FRMD4A: variants seen among roughly 807,000 people sequenced by gnomAD.
FRMD4A encodes the protein FERM domain-containing protein 4A.
FRMD4A carries 29 observed loss-of-function variants against 129.1 expected under a neutral mutation model. That is an observed-to-expected ratio of 0.22 (90% CI 0.17 to 0.31). The LOEUF (loss-of-function observed/expected upper bound fraction) is 0.31, where lower values mean the gene tolerates loss of function less well. FRMD4A is among the 10% of genes least tolerant of loss of function. The pLI is 1.00. For missense variants in FRMD4A, 1,272 were observed against 1,375.8 expected (o/e 0.92, Z 1.19); for synonymous variants, 634 against 571.6 (o/e 1.11, Z -1.56).
chr10:14,282,355 T>C (rs1331835269), intron 2 of FRMD4A, among the ~76,000 whole-genome samples: 2 of 152,186 alleles, frequency 1.3e-5, no homozygotes, highest in Non-Finnish European at 2.9e-5. Context: ...GTTTACTAAG[T>C]CAACTCTCCT....
chr10:13,880,683 T>C (rs538671590), intron 2 of FRMD4A, among the ~76,000 whole-genome samples: 62 of 152,196 alleles, frequency 4.1e-4, no homozygotes, highest in Non-Finnish European at 6.9e-4. Flanking sequence ...GTGCCTTTGA[T>C]GAATTCTGCC....
At chr10:13,856,418 A>G (rs1281883042) in intron 3 of FRMD4A, among the ~76,000 whole-genome samples, 1 of 152,154 alleles carries the variant, frequency 6.6e-6, no homozygotes, top group Non-Finnish European at 1.5e-5. Flanking sequence ...GGGATACACC[A>G]TGATGGAGAC....
chr10:13,689,804 C>A (rs940635055), intron 15 of FRMD4A, among the ~76,000 whole-genome samples: 2 of 151,776 alleles, frequency 1.3e-5, no homozygotes, highest in Non-Finnish European at 2.9e-5. Flanking sequence ...TTCAAGTGAT[C>A]CTCCCCACCG....
At chr10:14,170,306 G>A (rs1249818893) in intron 2 of FRMD4A, among the ~76,000 whole-genome samples, 3 of 152,150 alleles carry the variant, frequency 2.0e-5, no homozygotes, top group Non-Finnish European at 2.9e-5. Context: ...AAAAGAGCAG[G>A]ACTCGCCGGA....
intron 2 of FRMD4A, among the ~76,000 whole-genome samples, chr10:14,227,161 C>A (rs1843467399): frequency 6.6e-6 from 1 of 151,448 alleles, no homozygotes; most frequent in South Asian, 2.1e-4. Context: ...CTTCCCTCAG[C>A]CTGGAGCACT....
At chr10:14,278,673 C>T (rs1374963599) in intron 2 of FRMD4A, among the ~76,000 whole-genome samples, 6 of 152,096 alleles carry the variant, frequency 3.9e-5, no homozygotes, top group African/African-American at 1.4e-4. Flanking sequence ...ATCTCGCTTG[C>T]CTGAGCCCAG....
chr10:13,870,235 CTTCCTTCTTTACATA>C (rs1407125722), intron 2 of FRMD4A, among the ~76,000 whole-genome samples: 2 of 152,238 alleles, frequency 1.3e-5, no homozygotes, highest in African/African-American at 4.8e-5. Context: ...GAGTGAGATT[CTTCCTTCTTTACATA>C]TTGCTGCTAG....
chr10:14,258,925 C>T (rs2132030641), intron 2 of FRMD4A, among the ~76,000 whole-genome samples: 1 of 152,238 alleles, frequency 6.6e-6, no homozygotes, highest in East Asian at 1.9e-4. Flanking sequence ...TTGCATGAAT[C>T]TATTCATAAA....
chr10:13,676,636 G>T (rs554138824), intron 15 of FRMD4A, among the ~76,000 whole-genome samples: 1 of 152,268 alleles, frequency 6.6e-6, no homozygotes, highest in Admixed American at 6.5e-5. Context: ...ACAGGTGTTA[G>T]AGGCTGTGCA....
At chr10:14,123,790 T>C (rs551419512) in intron 2 of FRMD4A, among the ~76,000 whole-genome samples, 2 of 152,244 alleles carry the variant, frequency 1.3e-5, no homozygotes, top group Non-Finnish European at 2.9e-5. Flanking sequence ...TTACTAAGCC[T>C]TTACATAGCA....
intron 8 of FRMD4A, among the ~76,000 whole-genome samples, chr10:13,758,570 C>T (rs931451997): frequency 1.3e-5 from 2 of 152,172 alleles, no homozygotes; most frequent in African/African-American, 4.8e-5. Flanking sequence ...GACTGGGGCC[C>T]ACATGTGCAC....
rs115657776 is a variant in FRMD4A at position 13,646,968 on chromosome 10, C to G, written c.*70G>C. 2.0e-6 allele frequency: 2 copies of G among 984,208 alleles called. No homozygotes were observed. Among genetic ancestry groups the G allele is most frequent in the South Asian group, 4.7e-5 (1 of 21,264 alleles). The allele number at this position is 984,208 out of a possible 1,614,324, so 61.0% of individuals were successfully genotyped here. A position where few individuals can be genotyped will look rare whatever the true frequency, so the allele number is the denominator to read the frequency against. ...GTCCCGGGCTTGGCTTTTTCCTGCC[C>G]GTACCACTGGACATCAGCTAGTTCT... On this transcript the variant is annotated 3_prime_UTR_variant, in exon 25 of 25. Transcript: ENST00000357447.
intron 2 of FRMD4A, among the ~76,000 whole-genome samples, chr10:13,968,694 T>G (rs551596635): frequency 5.9e-5 from 9 of 152,200 alleles, no homozygotes; most frequent in African/African-American, 2.2e-4. Context: ...CCTCAGGTGA[T>G]CCACCCACCT....
At chr10:13,985,871 G>C (rs1253535178) in intron 2 of FRMD4A, among the ~76,000 whole-genome samples, 1 of 152,246 alleles carries the variant, frequency 6.6e-6, no homozygotes, top group Non-Finnish European at 1.5e-5. Flanking sequence ...TAGGAACTGA[G>C]CAGGCTGGCA....
rs957841514 is a variant in FRMD4A at position 13,657,884 on chromosome 10, C to T, written c.2067-362G>A. On this transcript the variant is annotated intron_variant, in intron 21 of 24. Coordinates refer to ENST00000357447, the MANE Select transcript of FRMD4A (RefSeq NM_018027.5). ...AGATAGGGCTGGGCACTGTGGTCCA[C>T]GCCTGTAATCCCAGTGCTTCAGGAG... Among the ~76,000 whole-genome samples, 7 of 151,016 alleles carry T rather than the reference C, an allele frequency of 4.6e-5. No individual in the cohort carries two copies. In the South Asian group the frequency reaches 1.0e-3, roughly 23 times the overall value.
intron 3 of FRMD4A, among the ~76,000 whole-genome samples, chr10:13,855,530 G>A (rs1434353287): frequency 6.6e-6 from 1 of 152,120 alleles, no homozygotes. Flanking sequence ...ACCTTGTCAG[G>A]TCAATGTAGG....
chr10:13,880,118 G>T (rs748350792), intron 2 of FRMD4A, among the ~76,000 whole-genome samples: 1 of 151,928 alleles, frequency 6.6e-6, no homozygotes, highest in Non-Finnish European at 1.5e-5. Flanking sequence ...CCTGACCCAG[G>T]TTTGTAGAGA....
chr10:14,060,102 T>C (rs1245654680), intron 2 of FRMD4A, among the ~76,000 whole-genome samples: 1 of 152,250 alleles, frequency 6.6e-6, no homozygotes, highest in Admixed American at 6.5e-5. Flanking sequence ...TATTGCATCC[T>C]CCTTTTGAGC....
At chr10:13,967,412 G>A (rs770602673) in intron 2 of FRMD4A, among the ~76,000 whole-genome samples, 79 of 152,240 alleles carry the variant, frequency 5.2e-4, no homozygotes, top group African/African-American at 1.5e-3. Context: ...AAGGATAAAA[G>A]ACTACAAATT....
Sources: allele counts gnomAD v4.1 joint callset (sites outside exome capture counted in the v4.1 genomes callset), GRCh38; gene constraint gnomAD v4.1.1; transcripts MANE v1.5; gene names NCBI Gene and HGNC (gene_info 2026-07-23, HGNC 2026-07-21).